The following CTNNA3 variants were observed in gnomAD, a reference collection of about 807,000 sequenced individuals.
CTNNA3 encodes catenin alpha 3.
CTNNA3 carries 76 observed loss-of-function variants against 95.7 expected under a neutral mutation model. That is an observed-to-expected ratio of 0.79 (90% CI 0.66 to 0.96). The LOEUF is 0.96. CTNNA3 is among the 40% of genes least tolerant of loss of function. The pLI is 0.00. For missense variants in CTNNA3, 1,191 were observed against 1,089.8 expected (o/e 1.09, Z -1.31); for synonymous variants, 431 against 374.4 (o/e 1.15, Z -1.74).
chr10:67,398,607 T>A (rs1047909221), intron 5 of CTNNA3, among the ~76,000 whole-genome samples: 1 of 152,182 alleles, frequency 6.6e-6, no homozygotes, highest in Non-Finnish European at 1.5e-5. Context: ...TAAAATGTGA[T>A]GACACAAGAT....
chr10:67,109,211 G>A (rs1472221760), intron 7 of CTNNA3, among the ~76,000 whole-genome samples: 1 of 152,090 alleles, frequency 6.6e-6, no homozygotes, highest in Non-Finnish European at 1.5e-5. Flanking sequence ...TATATGTAGA[G>A]TCTTTTGTCT....
At chr10:66,312,072 T>C (rs1363979605) in intron 12 of CTNNA3, among the ~76,000 whole-genome samples, 1 of 152,236 alleles carries the variant, frequency 6.6e-6, no homozygotes. Flanking sequence ...TTATAATAAT[T>C]AGCCACATAT....
chr10:66,080,567 A>C (rs1300567676), intron 14 of CTNNA3, among the ~76,000 whole-genome samples: 1 of 152,206 alleles, frequency 6.6e-6, no homozygotes, highest in Non-Finnish European at 1.5e-5. Context: ...TTACATCAAC[A>C]ACCAAAGCCA....
At chr10:66,210,212 G>A (rs1194272672) in intron 13 of CTNNA3, among the ~76,000 whole-genome samples, 1 of 151,604 alleles carries the variant, frequency 6.6e-6, no homozygotes, top group East Asian at 1.9e-4. Flanking sequence ...ATCATATATG[G>A]GAAGAAATGG....
Position 67,647,465 on chromosome 10 carries a change from G to C in CTNNA3, c.49C>G (p.Gln17Glu). Residue 17 changes from glutamine (Q) to glutamate (E), a missense_variant, in exon 2 of 18, where the codon CAG (glutamine) becomes GAG (glutamate). Transcript: ENST00000433211. ...ITLNIDPQDL[Q>E]VQTFTVEKLL... ...TTCTCCACGGTGAATGTTTGGACCT[G>C]CAGATCCTGAGGATCGATATTCAAT... 1 of 1,613,478 alleles carries C rather than the reference G, an allele frequency of 6.2e-7. No homozygotes were observed. The highest frequency in any genetic ancestry group is 8.5e-7 in the Non-Finnish European group (1 of 1,179,554).
intron 6 of CTNNA3, among the ~76,000 whole-genome samples, chr10:67,192,053 C>A (rs992014381): frequency 1.3e-5 from 2 of 151,826 alleles, no homozygotes; most frequent in African/African-American, 4.8e-5. Flanking sequence ...TAAAATTCGA[C>A]CCTTATCTAC....
chr10:67,548,539 A>G (rs557430338), intron 3 of CTNNA3, among the ~76,000 whole-genome samples: 1 of 152,302 alleles, frequency 6.6e-6, no homozygotes, highest in African/African-American at 2.4e-5. Context: ...CACACTTCCC[A>G]ATTTCAAAAC....
chr10:67,733,586 A>G (rs1315257384), intron 1 of CTNNA3, among the ~76,000 whole-genome samples: 1 of 152,304 alleles, frequency 6.6e-6, no homozygotes, highest in East Asian at 1.9e-4. Flanking sequence ...CTCACCACTT[A>G]GCTGGATTCA....
intron 1 of CTNNA3, among the ~76,000 whole-genome samples, chr10:67,721,376 A>G (rs7073674): frequency 0.13 from 18,943 of 151,108 alleles, 1,771 homozygotes; most frequent in African/African-American, 0.27. Flanking sequence ...TTTTTCTTTA[A>G]TCTTGTCTTC....
At chr10:67,581,381 A>C (rs1328494642) in intron 3 of CTNNA3, among the ~76,000 whole-genome samples, 2 of 152,124 alleles carry the variant, frequency 1.3e-5, no homozygotes, top group Admixed American at 1.3e-4. Flanking sequence ...GTGTATGTTG[A>C]ACCAGCCTTG....
In CTNNA3 at chr10:66,288,041, C is replaced by T. The variant is rs547455818; in HGVS notation, c.1733-7420G>A. The stretch of plus-strand genomic sequence containing the variant: ...CTGCTGTGGTAAGACAAAGATGAAC[C>T]CCATGGGACTGGACTGAACTGAAGA... On this transcript the variant is annotated intron_variant, in intron 12 of 17. Coordinates refer to ENST00000433211, the MANE Select transcript of CTNNA3 (RefSeq NM_013266.4). Among the ~76,000 whole-genome samples, 83 of 152,056 alleles carry T rather than the reference C, an allele frequency of 5.5e-4. No homozygotes were observed. The South Asian group carries it at 0.017, about 30-fold the overall frequency.
chr10:67,334,955 A>G (rs1299226601), intron 5 of CTNNA3: 1 of 152,330 alleles, frequency 6.6e-6, no homozygotes, highest in Non-Finnish European at 1.5e-5. Flanking sequence ...TTGGTTGTAT[A>G]GATTATCTAT....
rs111868254 is a variant in CTNNA3 at position 67,707,008 on chromosome 10, C to T, written c.-2+56426G>A. Among the ~76,000 whole-genome samples, 1,306 of 152,246 alleles carry T rather than the reference C, an allele frequency of 8.6e-3. 25 individuals are homozygous for T. Among genetic ancestry groups the T allele is most frequent in the African/African-American group, 0.029 (1,214 of 41,538 alleles). On this transcript the variant is annotated intron_variant, in intron 1 of 17. Transcript: ENST00000684154. The stretch of plus-strand genomic sequence containing the variant: ...TACCATCACCCAATTACTGCATAAG[C>T]CAAAGCCTAGGAGTCATCCTTCATT...
chr10:67,375,285 A>G (rs534713179), intron 5 of CTNNA3, among the ~76,000 whole-genome samples: 1 of 152,302 alleles, frequency 6.6e-6, no homozygotes, highest in South Asian at 2.1e-4. Flanking sequence ...GGGTATCACA[A>G]TGAGTCAAGG....
intron 9 of CTNNA3, among the ~76,000 whole-genome samples, chr10:66,685,145 C>CTATATATATATACACGTA (rs1350297473): frequency 7.4e-6 from 1 of 134,682 alleles, no homozygotes; most frequent in Non-Finnish European, 1.6e-5. Context: ...CTTAGAAGAA[C>CTATATATATATACACGTA]TATATATATA....
At chr10:66,285,519 CT>C (rs1033307799) in intron 12 of CTNNA3, among the ~76,000 whole-genome samples, 4 of 151,752 alleles carry the variant, frequency 2.6e-5, no homozygotes, top group Non-Finnish European at 5.9e-5. Flanking sequence ...CTCTTTCATG[CT>C]TTTCCTCACA....
rs561330470 is a variant in CTNNA3, at chr10:67,283,852, A to G, written c.580-63982T>C. ...CCTGTTTGGACTCGCCACCACTAAC[A>G]ATATCCTTTTGAACAATCATATTTC... On this transcript the variant is annotated intron_variant, in intron 5 of 17. Transcript: ENST00000433211. 4.7e-4 allele frequency among the ~76,000 whole-genome samples: 72 copies of G among 152,290 alleles called. 1 individual carries two copies. In the South Asian group the frequency reaches 0.014, roughly 30 times the overall value.
chr10:67,282,698 A>C (rs928051040), intron 5 of CTNNA3, among the ~76,000 whole-genome samples: 1 of 152,184 alleles, frequency 6.6e-6, no homozygotes, highest in Non-Finnish European at 1.5e-5. Context: ...TTCTTTTTTC[A>C]GTGGCTGCTC....
At chr10:66,616,722 G>C (rs1416615271) in intron 10 of CTNNA3, among the ~76,000 whole-genome samples, 1 of 151,822 alleles carries the variant, frequency 6.6e-6, no homozygotes, top group Non-Finnish European at 1.5e-5. Flanking sequence ...AGAAACTCAG[G>C]GCCACCCTAT....
Sources: gnomAD v4.1 joint callset for allele counts (sites outside exome capture counted in the v4.1 genomes callset) on GRCh38, gnomAD v4.1.1 for gene constraint, MANE v1.5 for transcripts, NCBI Gene and HGNC (gene_info 2026-07-23, HGNC 2026-07-21) for gene names.